Variants in GPN2 observed in about 807,000 individuals in gnomAD.
GPN2 encodes the protein ATP-binding domain 1 family member B.
Under a neutral mutation model 30.1 loss-of-function variants are expected in GPN2, and 27 were observed. The observed-to-expected ratio is 0.90, with a 90% CI of 0.66 to 1.24. The LOEUF (loss-of-function observed/expected upper bound fraction) is 1.24, where lower values mean the gene tolerates loss of function less well. Among genes scored for constraint, GPN2 ranks in the 50% most tolerant of loss-of-function variants. The pLI, the probability that GPN2 is intolerant of heterozygous loss-of-function variation, is 0.00. For synonymous variants in GPN2, 212 were observed against 174.4 expected (o/e 1.22, Z -1.70); for missense variants, 406 against 405.4 (o/e 1.00, Z -0.01).
In GPN2 at chr1:26,885,864, C is replaced by T. The variant is rs1015842984; in HGVS notation, c.729+109G>A. 8 of 856,504 alleles carry T rather than the reference C, an allele frequency of 9.3e-6. No individual in the cohort carries two copies. In the African/African-American group the frequency reaches 1.4e-4, roughly 14 times the overall value. The allele number at this position is 856,504 out of a possible 1,614,324, so 53.1% of individuals were successfully genotyped here. On this transcript the variant is annotated intron_variant, in intron 3 of 4. Coordinates refer to ENST00000374135, the MANE Select transcript of GPN2 (RefSeq NM_018066.4). The stretch of plus-strand genomic sequence containing the variant: ...AAAGTGCTAGGATTAGAGGCTTGAG[C>T]AACCGCGCCCAGCCGGCAAAGACCA...
chr1:26,884,524 C>T (rs1029512714), intron 3 of GPN2, among the ~76,000 whole-genome samples: 5 of 152,142 alleles, frequency 3.3e-5, no homozygotes, highest in Non-Finnish European at 5.9e-5. Context: ...TGGGTTTACA[C>T]CTATTGTACA....
In GPN2 at chr1:26,878,040, G is replaced by C. The variant is rs1484955726; in HGVS notation, c.*1637C>G. The C allele has an allele frequency of 6.6e-6, 1 of 152,074 alleles. No individual in the cohort carries two copies. The highest frequency in any genetic ancestry group is 1.9e-4 in the East Asian group (1 of 5,192). The allele number at this position is 152,074 out of a possible 1,614,324, so 9.4% of individuals were successfully genotyped here. On this transcript the variant is annotated 3_prime_UTR_variant, in exon 5 of 5. Transcript: ENST00000374135. ...GAGAGAGACTTTGTCTCCAAAAAAA[G>C]AAAGTCCAAATACATGCAAATAAAA...
At chr1:26,885,386 T>C (rs1320725719) in intron 3 of GPN2, among the ~76,000 whole-genome samples, 4 of 152,022 alleles carry the variant, frequency 2.6e-5, no homozygotes, top group Non-Finnish European at 5.9e-5. Context: ...TGGTGAACTT[T>C]CTTGCTGATG....
intron 2 of GPN2, chr1:26,886,452 T>C (rs2081891562): frequency 2.2e-6 from 1 of 464,074 alleles, no homozygotes; most frequent in Non-Finnish European, 4.3e-6. Context: ...TCCCAGCACT[T>C]TGGGAAGCCG....
intron 2 of GPN2, among the ~76,000 whole-genome samples, chr1:26,888,186 A>G (rs2081901368): frequency 6.6e-6 from 1 of 152,074 alleles, no homozygotes; most frequent in Non-Finnish European, 1.5e-5. Context: ...CAAGAAAAAA[A>G]AGCTGGCCAC....
chr1:26,889,209 G>A, intron 1 of GPN2, 84 bp from the exon 2 acceptor site: 1 of 1,068,496 alleles, frequency 9.4e-7, no homozygotes, highest in South Asian at 1.4e-5. Context: ...TGAGGACAGA[G>A]GGGAAGCTTT....
Position 26,890,122 on chromosome 1 carries a change from C to T in GPN2, c.-26G>A. 6.7e-7 allele frequency: 1 copy of T among 1,485,810 alleles called. No homozygotes were observed. Among genetic ancestry groups the T allele is most frequent in the Non-Finnish European group, 8.9e-7 (1 of 1,124,232 alleles). 92.0% of individuals were successfully genotyped at this position (1,485,810 alleles called of 1,614,324 possible). A position where few individuals can be genotyped will look rare whatever the true frequency, so the allele number is the denominator to read the frequency against. On this transcript the variant is annotated 5_prime_UTR_variant, in exon 1 of 5. Transcript: ENST00000374135. ...TGGCGGCCCGCGGCCCGGAGCAGGT[C>T]AACTCACAGGGAAAACGGGGCAGGT...
chr1:26,877,863 G>A lies in GPN2; in HGVS notation c.*1814C>T, dbSNP rs2081844819. On this transcript the variant is annotated 3_prime_UTR_variant, in exon 5 of 5. Coordinates refer to ENST00000374135, the MANE Select transcript of GPN2 (RefSeq NM_018066.4). ...AGCCTGAACAACATGGTGAAACCCC[G>A]TCTTTACTAAAAATACAAAAATTAG... 1 of 152,136 alleles carries A rather than the reference G, an allele frequency of 6.6e-6. No individual in the cohort carries two copies. The highest frequency in any genetic ancestry group is 2.1e-4 in the South Asian group (1 of 4,828). The allele number at this position is 152,136 out of a possible 1,614,324, so 9.4% of individuals were successfully genotyped here.
chr1:26,884,157 T>C lies in GPN2; in HGVS notation c.860+3A>G, dbSNP rs763726697. 1 of 1,610,122 alleles carries C rather than the reference T, an allele frequency of 6.2e-7. No homozygotes were observed. Among genetic ancestry groups the C allele is most frequent in the African/African-American group, 1.3e-5 (1 of 74,776 alleles). On this transcript the variant is annotated splice_donor_region_variant and intron_variant, in intron 4 of 4. Transcript: ENST00000374135. The stretch of plus-strand genomic sequence containing the variant: ...GCTATGGCCAGGAAGCTGGCAAGGA[T>C]ACGAAGAGAAATGGAAGTCGGCTCC...
In GPN2 at chr1:26,881,178, T is replaced by TG. The variant is rs1376700445; in HGVS notation, c.861-1430dup. ...TAACGTACAGATGCTCCTTGACTTA[T>TG]GATGGGGTTACATCCTGATAAACCC... On this transcript the variant is annotated intron_variant, in intron 4 of 4. Transcript: ENST00000374135. Among the ~76,000 whole-genome samples, 3 of 152,360 alleles carry TG rather than the reference T, an allele frequency of 2.0e-5. No individual in the cohort carries two copies. In the East Asian group the frequency reaches 5.8e-4, roughly 29 times the overall value.
chr1:26,884,302 G>A lies in GPN2; in HGVS notation c.730-12C>T, dbSNP rs1424048304. 2 of 1,598,774 alleles carry A rather than the reference G, an allele frequency of 1.3e-6. No individual in the cohort carries two copies. The highest frequency in any genetic ancestry group is 1.7e-6 in the Non-Finnish European group (2 of 1,175,848). On this transcript the variant is annotated splice_polypyrimidine_tract_variant and intron_variant, in intron 3 of 4. Transcript: ENST00000374135. ...ATGCTCTCCTTGTCCTGAGCAGGGA[G>A]GAGAGAAACAGTTCTGTGAGTGAAA...
chr1:26,889,623 C>T, intron 1 of GPN2, 63 bp downstream of exon 1: 2 of 1,453,100 alleles, frequency 1.4e-6, no homozygotes, highest in Non-Finnish European at 1.9e-6. Flanking sequence ...GGGGGCGTGG[C>T]GTCTGTCCTC....
intron 4 of GPN2, 89 bp from the exon 5 acceptor site, chr1:26,879,838 C>A: frequency 1.3e-6 from 1 of 798,704 alleles, no homozygotes; most frequent in Non-Finnish European, 2.2e-6. Flanking sequence ...TGCCTACACT[C>A]CAACCATGTC....
At position 26,886,082 on chromosome 1, in the gene GPN2, TC is replaced by T. The variant is rs757669047; in HGVS notation, c.619del (p.Asp207ThrfsTer19). ...TEVLDLSYLL[D>X]HLASDPFFRH... ...GAAGAAAGGGTCAGAAGCCAGGTGG[TC>T]AAGCAGGTAGGAGAGGTCCAGAACC... On this transcript the variant is annotated frameshift_variant, in exon 3 of 5. Transcript: ENST00000374135. LOFTEE classifies it high-confidence loss of function. 6.2e-7 allele frequency: 1 copy of T among 1,613,462 alleles called. No homozygotes were observed. Among genetic ancestry groups the T allele is most frequent in the Admixed American group, 1.7e-5 (1 of 59,984 alleles).
chr1:26,881,888 CA>C (rs1447656208), intron 4 of GPN2, among the ~76,000 whole-genome samples: 2 of 152,068 alleles, frequency 1.3e-5, no homozygotes, highest in Non-Finnish European at 2.9e-5. Flanking sequence ...CCAGCCTGGG[CA>C]AAGGAGCAAG....
intron 4 of GPN2, among the ~76,000 whole-genome samples, chr1:26,881,299 G>T (rs779928814): frequency 8.5e-5 from 13 of 152,092 alleles, no homozygotes; most frequent in Non-Finnish European, 1.9e-4. Context: ...AATATTCTTA[G>T]AACACTTACG....
chr1:26,884,086 C>A, intron 4 of GPN2, 74 bp downstream of exon 4: 51 of 1,028,640 alleles, frequency 5.0e-5, no homozygotes, highest in Non-Finnish European at 6.5e-5. Flanking sequence ...AGGTTGATGA[C>A]TGCACCTCCT....
At position 26,880,202 on chromosome 1, in the gene GPN2, G is replaced by A. The variant is rs574701098; in HGVS notation, c.861-453C>T. On this transcript the variant is annotated intron_variant, in intron 4 of 4. Coordinates refer to ENST00000374135, the MANE Select transcript of GPN2 (RefSeq NM_018066.4). Reference sequence around the variant, plus strand: ...TTGAACTGTTCTTCCAAAACATCCCGGGAGAGGGACCTTGGGCCTGTCGCC... The same window carrying A: ...TTGAACTGTTCTTCCAAAACATCCCAGGAGAGGGACCTTGGGCCTGTCGCC... 2.0e-4 allele frequency among the ~76,000 whole-genome samples: 30 copies of A among 152,310 alleles called. No individual in the cohort carries two copies. The South Asian group carries it at 5.4e-3, about 27-fold the overall frequency.
At chr1:26,889,210 G>C in intron 1 of GPN2, 85 bp from the exon 2 acceptor site, 1 of 1,068,014 alleles carries the variant, frequency 9.4e-7, no homozygotes, top group South Asian at 1.4e-5. Flanking sequence ...GAGGACAGAG[G>C]GGAAGCTTTC....
Sources: gnomAD v4.1 joint callset for allele counts (sites outside exome capture counted in the v4.1 genomes callset) on GRCh38, gnomAD v4.1.1 for gene constraint, MANE v1.5 for transcripts, NCBI Gene and HGNC (gene_info 2026-07-23, HGNC 2026-07-21) for gene names.